The following FBN1 variants were observed in gnomAD, a reference collection of about 807,000 sequenced individuals.
The protein encoded by FBN1 is fibrillin 1.
A neutral mutation model predicts 365.1 loss-of-function variants in FBN1; 29 were observed. That is an observed-to-expected ratio of 0.08 (90% CI 0.06 to 0.11). The LOEUF (loss-of-function observed/expected upper bound fraction) is 0.11. FBN1 is among the 10% of genes least tolerant of loss of function. The probability of loss-of-function intolerance (pLI) is 1.00; values close to 1 mark genes in which losing one functional copy is unlikely to be tolerated. For missense variants in FBN1, 2,476 were observed against 3,703.2 expected (o/e 0.67, Z 8.60); for synonymous variants, 1,210 against 1,270.5 (o/e 0.95, Z 1.01).
At chr15:48,584,452 A>T (rs925936625) in intron 6 of FBN1, among the ~76,000 whole-genome samples, 7 of 152,100 alleles carry the variant, frequency 4.6e-5, no homozygotes, top group Non-Finnish European at 1.0e-4. Context: ...TGGAATGAAG[A>T]CTCCTTTGAG....
intron 3 of FBN1, 51 bp from the exon 4 acceptor site, chr15:48,610,877 T>C (rs2044651327): frequency 6.7e-7 from 1 of 1,484,346 alleles, no homozygotes; most frequent in Non-Finnish European, 9.4e-7. Flanking sequence ...ACACGATTTG[T>C]TATAGGGGAC....
At position 48,430,759 on chromosome 15, in the gene FBN1, T is replaced by G. The variant is rs771716423; in HGVS notation, c.6783A>C (p.Lys2261Asn). Reference protein sequence around the residue: ...CEEGKHDCTEKQMECKNLIGT... With the variant: ...CEEGKHDCTENQMECKNLIGT... The stretch of plus-strand genomic sequence containing the variant: ...CAATGAGGTTCTTGCATTCCATTTG[T>G]TTTTCAGTACAGTCATGTTTTCCCT... Residue 2261 changes from lysine to asparagine, a missense_variant, in exon 56 of 66, where the codon AAA becomes AAC. By Grantham distance (94) the Lys-to-Asn change is moderately conservative (BLOSUM62 0). Coordinates refer to ENST00000316623, the MANE Select transcript of FBN1 (RefSeq NM_000138.5). The G allele has an allele frequency of 1.2e-5, 20 of 1,613,748 alleles. No individual in the cohort carries two copies. The South Asian group carries it at 1.6e-4, about 13-fold the overall frequency.
chr15:48,436,331 G>A (rs1432952305), intron 53 of FBN1, among the ~76,000 whole-genome samples: 1 of 152,012 alleles, frequency 6.6e-6, no homozygotes, highest in Non-Finnish European at 1.5e-5. Context: ...TTTCTTGTAT[G>A]GAAAAAGTAC....
At chr15:48,532,825 A>G (rs2043984817) in intron 8 of FBN1, among the ~76,000 whole-genome samples, 4 of 152,168 alleles carry the variant, frequency 2.6e-5, no homozygotes, top group Admixed American at 6.6e-5. Flanking sequence ...TTGTTCTTTG[A>G]AACTTAAAAT....
intron 37 of FBN1, 91 bp from the exon 38 acceptor site, chr15:48,468,193 C>T (rs1047648432): frequency 1.5e-5 from 23 of 1,522,366 alleles, no homozygotes; most frequent in Middle Eastern, 1.7e-4. Context: ...GTTCAAAAAC[C>T]GTAATTTACT....
At chr15:48,581,694 T>C (rs2044393209) in intron 6 of FBN1, among the ~76,000 whole-genome samples, 1 of 152,116 alleles carries the variant, frequency 6.6e-6, no homozygotes, top group Non-Finnish European at 1.5e-5. Flanking sequence ...GTGTCAGCAG[T>C]CTGACTGAAA....
intron 6 of FBN1, among the ~76,000 whole-genome samples, chr15:48,573,969 G>A (rs1217103241): frequency 1.3e-5 from 2 of 152,226 alleles, no homozygotes; most frequent in African/African-American, 4.8e-5. Flanking sequence ...CAGAGCCCTG[G>A]CTGAGGGTTA....
chr15:48,503,749 G>T (rs1208753883), intron 17 of FBN1, 38 bp downstream of exon 17: 7 of 1,612,386 alleles, frequency 4.3e-6, no homozygotes, highest in Non-Finnish European at 5.9e-6. Flanking sequence ...GGTGGCAGAA[G>T]GCTGGCAGTA....
intron 53 of FBN1, 101 bp from the exon 54 acceptor site, chr15:48,434,814 T>C: frequency 7.0e-7 from 1 of 1,428,410 alleles, no homozygotes; most frequent in Non-Finnish European, 9.7e-7. Flanking sequence ...TGTTGTTGTT[T>C]TGAGACAGAG....
intron 2 of FBN1, among the ~76,000 whole-genome samples, chr15:48,616,814 G>A (rs569152474): frequency 6.6e-6 from 1 of 152,112 alleles, no homozygotes; most frequent in Non-Finnish European, 1.5e-5. Context: ...ATTCAAAGGG[G>A]AAATAACTTT....
intron 2 of FBN1, among the ~76,000 whole-genome samples, chr15:48,632,084 A>G (rs1163836819): frequency 1.3e-5 from 2 of 152,246 alleles, no homozygotes; most frequent in Non-Finnish European, 2.9e-5. Context: ...TTCCCAATGA[A>G]GACAACACAA....
chr15:48,519,188 G>A (rs1471870772), intron 10 of FBN1, among the ~76,000 whole-genome samples: 1 of 152,108 alleles, frequency 6.6e-6, no homozygotes, highest in African/African-American at 2.4e-5. Flanking sequence ...CTACTAAATG[G>A]TCCCCTACTG....
chr15:48,517,442 G>T (rs115776900), intron 10 of FBN1, among the ~76,000 whole-genome samples: 17 of 152,074 alleles, frequency 1.1e-4, no homozygotes, highest in Non-Finnish European at 2.1e-4. Flanking sequence ...GGTGTGGGTC[G>T]GGTATGAATG....
chr15:48,474,684 C>T (rs1268365061), intron 32 of FBN1, 34 bp from the exon 33 acceptor site: 7 of 1,613,684 alleles, frequency 4.3e-6, no homozygotes, highest in Non-Finnish European at 5.9e-6. Context: ...GAAAAAGGCT[C>T]AGCACAAATG....
At position 48,452,553 on chromosome 15, in the gene FBN1, A is replaced by G; in HGVS notation, c.5545+9T>C. The stretch of plus-strand genomic sequence containing the variant: ...GGTAGGCATGTCCAGCCTGTGGGGC[A>G]CTACATACCATTGCACTGTCCTGTG... On this transcript the variant is annotated intron_variant, in intron 45 of 65. Coordinates refer to ENST00000316623, the MANE Select transcript of FBN1 (RefSeq NM_000138.5). The G allele has an allele frequency of 1.9e-6, 3 of 1,614,032 alleles. No homozygotes were observed. Among genetic ancestry groups the G allele is most frequent in the Non-Finnish European group, 2.5e-6 (3 of 1,179,980 alleles).
At chr15:48,486,726 T>C (rs1367322227) in intron 29 of FBN1, among the ~76,000 whole-genome samples, 1 of 152,250 alleles carries the variant, frequency 6.6e-6, no homozygotes, top group Non-Finnish European at 1.5e-5. Flanking sequence ...TACCATTTGT[T>C]AATGTGCATT....
rs756601599 is a variant in FBN1, at chr15:48,487,099, T to C, written c.3565A>G (p.Thr1189Ala). Residue 1189 changes from threonine (T) to alanine (A), a missense_variant, in exon 29 of 66, where the codon ACT becomes GCT. Thr to Ala is a moderately conservative substitution (Grantham distance 58, BLOSUM62 0). This residue lies in a region of FBN1 where 1,780 missense variants were observed against 2,840.8 expected (regional missense o/e 0.63). Coordinates refer to ENST00000316623, the MANE Select transcript of FBN1 (RefSeq NM_000138.5). ...CCAACACAAAATAGCCTATCGGGAGTTGAATGGTAGCCAGGGTTGCAGGCA... is the reference window on the plus strand; with the variant it reads ...CCAACACAAAATAGCCTATCGGGAGCTGAATGGTAGCCAGGGTTGCAGGCA... ...QCACNPGYHSTPDRLFCVDID... is the reference protein window; with the variant it reads ...QCACNPGYHSAPDRLFCVDID... The C allele has an allele frequency of 1.9e-6, 3 of 1,609,296 alleles. No homozygotes were observed. The highest frequency in any genetic ancestry group is 1.7e-6 in the Non-Finnish European group (2 of 1,177,990).
At chr15:48,487,601 A>T (rs1328100535) in intron 27 of FBN1, among the ~76,000 whole-genome samples, 164 bp from the exon 28 acceptor site, 1 of 152,152 alleles carries the variant, frequency 6.6e-6, no homozygotes, top group South Asian at 2.1e-4. Context: ...GCAGGATCAG[A>T]CTAAAACCAA....
chr15:48,494,179 A>G, intron 23 of FBN1, 25 bp downstream of exon 23: 1 of 1,579,774 alleles, frequency 6.3e-7, no homozygotes, highest in South Asian at 1.1e-5. Context: ...ACAAAAATGT[A>G]TGGTTTATAA....
Sources: allele counts gnomAD v4.1 joint callset (sites outside exome capture counted in the v4.1 genomes callset), GRCh38; gene constraint gnomAD v4.1.1; regional missense constraint gnomAD v4.1.1; transcripts MANE v1.5; gene names NCBI Gene and HGNC (gene_info 2026-07-23, HGNC 2026-07-21).